TLN2: variants seen among roughly 807,000 people sequenced by gnomAD.
The protein encoded by TLN2 is talin-2.
In TLN2, 118 loss-of-function variants were observed where a neutral mutation model predicts 294.7. The ratio of observed to expected loss-of-function variants is 0.40; its 90% CI spans 0.34 to 0.47. TLN2 has a LOEUF of 0.47. Among genes scored for constraint, TLN2 ranks in the 20% least tolerant of loss-of-function variants. The pLI is 0.84. For missense variants in TLN2, 3,083 were observed against 3,282.2 expected (o/e 0.94, Z 1.48); for synonymous variants, 1,431 against 1,304.5 (o/e 1.10, Z -2.09).
rs968361790 is a variant in TLN2, at chr15:62,702,069, A to G, written c.1774A>G (p.Lys592Glu). 1 of 1,614,250 alleles carries G rather than the reference A, an allele frequency of 6.2e-7. No individual in the cohort carries two copies. The highest frequency in any genetic ancestry group is 8.5e-7 in the Non-Finnish European group (1 of 1,180,050). Residue 592 changes from lysine to glutamate, a missense_variant, in exon 18 of 59, where the codon AAG (lysine) becomes GAG (glutamate). Physicochemically the swap from Lys to Glu is moderately conservative, Grantham distance 56. Transcript: ENST00000636159. The part of the protein sequence containing the change: ...TISSNLTEMS[K>E]GVKLLAALMD... ...TTCTTCCAACCTGACGGAGATGTCC[A>G]AGGGTGTGAAGCTATTGGCCGCCCT...
chr15:62,838,671 T>G (rs1231826257), intron 57 of TLN2, among the ~76,000 whole-genome samples, 185 bp from the exon 58 acceptor site: 1 of 149,078 alleles, frequency 6.7e-6, no homozygotes, highest in East Asian at 1.9e-4. Context: ...CCAGGTAGGT[T>G]CCAGTGTTGG....
intron 44 of TLN2, 81 bp downstream of exon 44, chr15:62,781,322 C>A: frequency 1.8e-6 from 2 of 1,114,490 alleles, no homozygotes; most frequent in South Asian, 1.3e-5. Context: ...AATCCCAGAT[C>A]TGTGTCAGAG....
chr15:62,656,247 G>A (rs1465968308), intron 8 of TLN2, among the ~76,000 whole-genome samples, 161 bp downstream of exon 8: 1 of 152,164 alleles, frequency 6.6e-6, no homozygotes, highest in Non-Finnish European at 1.5e-5. Flanking sequence ...TGGTTGTGGT[G>A]CAGGTTGATA....
chr15:62,740,446 C>A, intron 31 of TLN2, 184 bp from the exon 32 acceptor site: 1 of 681,660 alleles, frequency 1.5e-6, no homozygotes, highest in South Asian at 2.1e-5. Flanking sequence ...ATCTGAGCAT[C>A]TGTTTGGAGA....
chr15:62,491,017 T>G (rs1184042372), intron 1 of TLN2, among the ~76,000 whole-genome samples: 1 of 152,114 alleles, frequency 6.6e-6, no homozygotes, highest in African/African-American at 2.4e-5. Context: ...TACAGAAACA[T>G]AAGACTTCAA....
At chr15:62,723,646 C>CTGCT (rs1239732084) in intron 26 of TLN2, among the ~76,000 whole-genome samples, 5 of 146,698 alleles carry the variant, frequency 3.4e-5, no homozygotes, top group Non-Finnish European at 5.9e-5. Flanking sequence ...TGAACTTAAG[C>CTGCT]AGTCTCCCAC....
In TLN2 at chr15:62,753,758, C is replaced by G. The variant is rs985529655; in HGVS notation, c.4333-15C>G. On this transcript the variant is annotated splice_polypyrimidine_tract_variant and intron_variant, in intron 35 of 58. Transcript: ENST00000636159. ...GCACGGAGCCTGAGCTGTGGTTTTT[C>G]TCTTCCCTTTCTAGGCTGCATACTT... 1 of 1,591,918 alleles carries G rather than the reference C, an allele frequency of 6.3e-7. No homozygotes were observed. Among genetic ancestry groups the G allele is most frequent in the Middle Eastern group, 1.8e-4 (1 of 5,528 alleles).
Position 62,805,678 on chromosome 15 carries a change from G to A in TLN2, c.6556G>A (p.Ala2186Thr). The change falls in exon 51 of 59, where the codon GCA becomes ACA. Residue 2186 changes from alanine (A) to threonine (T), a missense_variant. Physicochemically the swap from Ala to Thr is moderately conservative, Grantham distance 58. Coordinates refer to ENST00000636159, the MANE Select transcript of TLN2 (RefSeq NM_015059.3). Reference sequence around the variant, plus strand: ...AAGGATGACGAAAGGCATCACCATGGCAACAGCCAAAGCCGTGGCAGCTGG... The same window carrying A: ...AAGGATGACGAAAGGCATCACCATGACAACAGCCAAAGCCGTGGCAGCTGG... ...SIRMTKGITM[A>T]TAKAVAAGNS... The A allele has an allele frequency of 1.2e-6, 2 of 1,614,108 alleles. No individual in the cohort carries two copies. The highest frequency in any genetic ancestry group is 1.7e-6 in the Non-Finnish European group (2 of 1,180,012).
At chr15:62,522,583 C>T (rs1029369412) in intron 1 of TLN2, among the ~76,000 whole-genome samples, 9 of 152,122 alleles carry the variant, frequency 5.9e-5, no homozygotes, top group African/African-American at 1.9e-4. Context: ...ACAGAAGTTG[C>T]TTTTCAATAG....
Position 62,549,122 on chromosome 15 carries a change from T to C in TLN2, c.-237-40565T>C, listed in dbSNP as rs549178711. 8.5e-4 allele frequency among the ~76,000 whole-genome samples: 129 copies of C among 152,292 alleles called. 1 individual carries two copies. Among genetic ancestry groups the C allele is most frequent in the African/African-American group, 2.8e-3 (118 of 41,572 alleles). On this transcript the variant is annotated intron_variant, in intron 1 of 58. Transcript: ENST00000636159. ...TGTAGAGTCAATTAGCTGCCTTTAA[T>C]TGAGACCCTACGGAGTGTAAAACAT... is the stretch of plus-strand genomic sequence containing the variant.
intron 40 of TLN2, among the ~76,000 whole-genome samples, chr15:62,765,264 G>T (rs189682234): frequency 6.6e-6 from 1 of 151,304 alleles, no homozygotes; most frequent in East Asian, 1.9e-4. Context: ...ACCCTTGGCC[G>T]TCTTGGAAGT....
chr15:62,787,071 A>C (rs890695724), intron 45 of TLN2, among the ~76,000 whole-genome samples: 9 of 151,168 alleles, frequency 6.0e-5, no homozygotes, highest in African/African-American at 9.7e-5. Flanking sequence ...TGCCTGGTTA[A>C]TTTTTCTATT....
rs773498352 is a variant in TLN2 at position 62,701,166 on chromosome 15, G to T, written c.1648G>T (p.Val550Phe). The change falls in exon 17 of 59, where the codon GTT becomes TTT. Residue 550 changes from valine (V) to phenylalanine (F), a missense_variant. Val to Phe is a conservative substitution (Grantham distance 50). Coordinates refer to ENST00000636159, the MANE Select transcript of TLN2 (RefSeq NM_015059.3). ...ATCCAAACACGAAATCCATTCTCAA[G>T]TTGATGCTATCACGGCCGGAACGGC... ...DESKHEIHSQ[V>F]DAITAGTASV... The T allele has an allele frequency of 1.9e-6, 3 of 1,614,154 alleles. No homozygotes were observed. The highest frequency in any genetic ancestry group is 2.5e-6 in the Non-Finnish European group (3 of 1,180,024).
rs182071526 is a variant in TLN2 at position 62,838,060 on chromosome 15, G to T, written c.7375-796G>T. Reference sequence around the variant, plus strand: ...GAGCATTAAAAATAAGCCAATACAGGCAATAGCCCTTAAGGAAGATCTAAG... The same window carrying T: ...GAGCATTAAAAATAAGCCAATACAGTCAATAGCCCTTAAGGAAGATCTAAG... On this transcript the variant is annotated intron_variant, in intron 57 of 58. Coordinates refer to ENST00000636159, the MANE Select transcript of TLN2 (RefSeq NM_015059.3). 199 of 152,264 alleles carry T rather than the reference G, an allele frequency of 1.3e-3. 1 individual carries two copies. The highest frequency in any genetic ancestry group is 4.6e-3 in the African/African-American group (191 of 41,544). 9.4% of individuals were successfully genotyped at this position (152,264 alleles called of 1,614,324 possible).
intron 1 of TLN2, among the ~76,000 whole-genome samples, chr15:62,544,042 G>C (rs974550942): frequency 7.2e-5 from 11 of 152,060 alleles, no homozygotes; most frequent in Non-Finnish European, 1.0e-4. Context: ...AATTAATGAG[G>C]CCTCGGTCCT....
chr15:62,760,432 C>T (rs1283874864), intron 37 of TLN2, among the ~76,000 whole-genome samples: 1 of 152,106 alleles, frequency 6.6e-6, no homozygotes, highest in East Asian at 1.9e-4. Context: ...TGCCAGTGCC[C>T]CTGTTTTTTT....
rs540626072 is a variant in TLN2 at position 62,704,250 on chromosome 15, TA to T, written c.2004+1388del. Among the ~76,000 whole-genome samples the T allele has an allele frequency of 3.9e-5, 6 of 152,306 alleles. No individual in the cohort carries two copies. In the East Asian group the frequency reaches 1.2e-3, roughly 29 times the overall value. On this transcript the variant is annotated intron_variant, in intron 19 of 58. Coordinates refer to ENST00000636159, the MANE Select transcript of TLN2 (RefSeq NM_015059.3). ...TATCACCAAATCTAGAAAAATAACG[TA>T]ATGTTTTTATTAACTACCTGACACT...
chr15:62,812,397 T>C (rs8032989), intron 52 of TLN2, among the ~76,000 whole-genome samples: 15,916 of 152,234 alleles, frequency 0.1, 917 homozygotes, highest in South Asian at 0.17. Flanking sequence ...ACCTTTGCCC[T>C]TGGTGAGTCA....
chr15:62,610,965 C>G lies in TLN2; in HGVS notation c.-161-7386C>G, dbSNP rs750258012. Among the ~76,000 whole-genome samples, 10 of 152,128 alleles carry G rather than the reference C, an allele frequency of 6.6e-5. No homozygotes were observed. In the South Asian group the frequency reaches 8.3e-4, roughly 13 times the overall value. ...CACAATGGGCTTCCTTCTAATTTTT[C>G]CCTTTTCTGGGCCACCATGGCACCC... On this transcript the variant is annotated intron_variant, in intron 2 of 58. Transcript: ENST00000636159.
Sources: gnomAD v4.1 joint callset for allele counts (sites outside exome capture counted in the v4.1 genomes callset) on GRCh38, gnomAD v4.1.1 for gene constraint, MANE v1.5 for transcripts, NCBI Gene and HGNC (gene_info 2026-07-23, HGNC 2026-07-21) for gene names.